NEDD4L: variants seen among roughly 807,000 people sequenced by gnomAD.
NEDD4L encodes NEDD4 like E3 ubiquitin protein ligase.
NEDD4L carries 54 observed loss-of-function variants against 148.9 expected under a neutral mutation model. The observed-to-expected ratio is 0.36, with a 90% CI of 0.29 to 0.45. The LOEUF is 0.45. NEDD4L is among the 20% of genes least tolerant of loss of function. The probability of loss-of-function intolerance (pLI) is 1.00; values close to 1 mark genes in which losing one functional copy is unlikely to be tolerated. For synonymous variants in NEDD4L, 433 were observed against 440.7 expected (o/e 0.98, Z 0.22); for missense variants, 856 against 1,233.8 (o/e 0.69, Z 4.59).
intron 8 of NEDD4L, among the ~76,000 whole-genome samples, chr18:58,324,497 G>A (rs2144367693): frequency 6.6e-6 from 1 of 152,304 alleles, no homozygotes; most frequent in East Asian, 1.9e-4. Context: ...ACAGGACTCT[G>A]GGCCTCTGGT....
chr18:58,094,657 C>T (rs760030167), intron 1 of NEDD4L, among the ~76,000 whole-genome samples: 39 of 152,134 alleles, frequency 2.6e-4, no homozygotes, highest in Non-Finnish European at 4.0e-4. Context: ...ACCTCAGAGC[C>T]CTTCCCCTTC....
intron 2 of NEDD4L, among the ~76,000 whole-genome samples, chr18:58,192,614 A>G (rs900961082): frequency 1.3e-5 from 2 of 152,186 alleles, no homozygotes; most frequent in Admixed American, 1.3e-4. Flanking sequence ...TTCACTGCTT[A>G]CATGGTTAGT....
chr18:58,128,718 T>C (rs1568256416), intron 1 of NEDD4L, among the ~76,000 whole-genome samples: 1 of 152,224 alleles, frequency 6.6e-6, no homozygotes, highest in Non-Finnish European at 1.5e-5. Context: ...TGTTGGGATT[T>C]TTAAAAGCCC....
At chr18:58,074,856 T>C (rs1599086493) in intron 1 of NEDD4L, among the ~76,000 whole-genome samples, 1 of 151,776 alleles carries the variant, frequency 6.6e-6, no homozygotes, top group African/African-American at 2.4e-5. Flanking sequence ...AGGCACAGGG[T>C]TGGCTGTGAA....
chr18:58,197,431 C>A (rs759483262), intron 2 of NEDD4L, among the ~76,000 whole-genome samples: 1 of 152,102 alleles, frequency 6.6e-6, no homozygotes, highest in Non-Finnish European at 1.5e-5. Flanking sequence ...GAGACACCCC[C>A]GTTTGCTTCT....
At chr18:58,248,739 T>G (rs998564117) in intron 3 of NEDD4L, among the ~76,000 whole-genome samples, 160 bp from the exon 4 acceptor site, 2 of 152,144 alleles carry the variant, frequency 1.3e-5, no homozygotes, top group African/African-American at 4.8e-5. Context: ...TCCCTCCCCC[T>G]CCAGTTTGGT....
At chr18:58,045,300 G>T in intron 1 of NEDD4L, 2 of 396,300 alleles carry the variant, frequency 5.0e-6, no homozygotes, top group Admixed American at 4.4e-5. Context: ...TCGGAGCCTC[G>T]GTGGGGGAGG....
At chr18:58,084,059 C>A (rs1348033108) in intron 1 of NEDD4L, among the ~76,000 whole-genome samples, 1 of 152,084 alleles carries the variant, frequency 6.6e-6, no homozygotes, top group Non-Finnish European at 1.5e-5. Context: ...AAAGAAAATG[C>A]TTATAGATTT....
chr18:58,335,584 A>C (rs987830946), intron 13 of NEDD4L, 47 bp downstream of exon 13: 2 of 1,439,076 alleles, frequency 1.4e-6, no homozygotes, highest in Non-Finnish European at 2.0e-6. Flanking sequence ...GCCGTGAGGC[A>C]GTTTTAATAT....
chr18:58,063,877 G>A (rs1032965469), intron 1 of NEDD4L, among the ~76,000 whole-genome samples: 1 of 150,224 alleles, frequency 6.7e-6, no homozygotes, highest in Non-Finnish European at 1.5e-5. Context: ...TTTAAGCTTC[G>A]GTAAGGTAGA....
At chr18:58,200,258 G>T (rs535639992) in intron 2 of NEDD4L, among the ~76,000 whole-genome samples, 1 of 152,172 alleles carries the variant, frequency 6.6e-6, no homozygotes, top group Admixed American at 6.5e-5. Context: ...TCATTTCTGG[G>T]TGATGTATTT....
In NEDD4L at chr18:58,256,311, G is replaced by A. The variant is rs1410280247; in HGVS notation, c.297+4257G>A. The A allele has an allele frequency of 1.6e-6, 2 of 1,231,830 alleles. No homozygotes were observed. Among genetic ancestry groups the A allele is most frequent in the Non-Finnish European group, 2.0e-6 (2 of 987,860 alleles). 76.3% of individuals were successfully genotyped at this position (1,231,830 alleles called of 1,614,324 possible). On this transcript the variant is annotated intron_variant, in intron 5 of 30. Coordinates refer to ENST00000400345, the MANE Select transcript of NEDD4L (RefSeq NM_001144967.3). This position sits in a 1 kb window ranked among gnomAD's most constrained non-coding sequence, Gnocchi z 5.2. ...GGCCCGGCCGCGGCAGAGCCCAGGC[G>A]CTGGTCCCTGCAGCACGTTCCAGAT... is the stretch of plus-strand genomic sequence containing the variant.
intron 2 of NEDD4L, chr18:58,195,577 C>T: frequency 7.5e-7 from 1 of 1,340,180 alleles, no homozygotes; most frequent in Non-Finnish European, 9.8e-7. Context: ...CACGGCACCT[C>T]CCACTCCAGG....
intron 18 of NEDD4L, among the ~76,000 whole-genome samples, chr18:58,356,758 A>C (rs1006744823): frequency 6.6e-6 from 1 of 152,250 alleles, no homozygotes; most frequent in Admixed American, 6.5e-5. Flanking sequence ...TTTCAACACC[A>C]TAAGTAAAGA....
At chr18:58,301,265 TCTC>T (rs1366568018) in intron 5 of NEDD4L, among the ~76,000 whole-genome samples, 3 of 152,318 alleles carry the variant, frequency 2.0e-5, no homozygotes, top group African/African-American at 7.2e-5. Flanking sequence ...ACTGACCCCT[TCTC>T]CTCCTCGTGT....
intron 1 of NEDD4L, among the ~76,000 whole-genome samples, chr18:58,063,423 A>G (rs1363103212): frequency 2.0e-5 from 3 of 152,006 alleles, no homozygotes; most frequent in Non-Finnish European, 4.4e-5. Context: ...ATAAAAATAC[A>G]TGTTTTGTCT....
chr18:58,059,513 G>GA (rs1568155703), intron 1 of NEDD4L, among the ~76,000 whole-genome samples: 1 of 152,110 alleles, frequency 6.6e-6, no homozygotes, highest in African/African-American at 2.4e-5. Context: ...GCCTGGCTAA[G>GA]AAGGGCAGTG....
At chr18:58,365,927 CTGT>C in intron 20 of NEDD4L, 69 bp from the exon 21 acceptor site, 1 of 1,055,000 alleles carries the variant, frequency 9.5e-7, no homozygotes, top group Non-Finnish European at 1.3e-6. Context: ...CTACCATTTG[CTGT>C]TGTTTTTATT....
chr18:58,195,801 C>G (rs1289290578), intron 2 of NEDD4L: 1 of 1,015,660 alleles, frequency 9.8e-7, no homozygotes, highest in Non-Finnish European at 1.4e-6. Context: ...GGAGAAGGTT[C>G]TCTTACCGTG....
Sources: allele counts gnomAD v4.1 joint callset (sites outside exome capture counted in the v4.1 genomes callset), GRCh38; gene constraint gnomAD v4.1.1; non-coding constraint Gnocchi (gnomAD v3.1); transcripts MANE v1.5; gene names NCBI Gene and HGNC (gene_info 2026-07-23, HGNC 2026-07-21).